The following CHIC1 variants were observed in gnomAD, a reference collection of about 807,000 sequenced individuals.
CHIC1 encodes cysteine rich hydrophobic domain 1, also known as cysteine-rich hydrophobic domain-containing protein 1.
Under a neutral mutation model 18.5 loss-of-function variants are expected in CHIC1, and 7 were observed. The ratio of observed to expected loss-of-function variants is 0.38; its 90% CI spans 0.22 to 0.71. The LOEUF is 0.71. Among genes scored for constraint, CHIC1 ranks in the 30% least tolerant of loss-of-function variants. CHIC1 has a pLI of 0.49. For synonymous variants in CHIC1, 77 were observed against 73.5 expected (o/e 1.05, Z -0.25); for missense variants, 159 against 176.9 (o/e 0.90, Z 0.57).
chrX:73,665,421 C>T (rs988307859), intron 3 of CHIC1, among the ~76,000 whole-genome samples: 2 of 111,305 alleles, frequency 1.8e-5, no homozygotes, highest in Admixed American at 9.5e-5. Flanking sequence ...TCTACCATAC[C>T]TTCTTCCAGG....
Position 73,610,602 on chromosome X carries a change from A to C in CHIC1, c.507+26030A>C, listed in dbSNP as rs1221039000. Among the ~76,000 whole-genome samples the C allele has an allele frequency of 1.8e-5, 2 of 108,887 alleles. 1 individual carries two copies. The highest frequency in any genetic ancestry group is 7.1e-5 in the African/African-American group (2 of 28,011). 94.6% of individuals were successfully genotyped at this position (108,887 alleles called of 115,157 possible). ...TAATGCTGGCCTATTAGAATGAGTT[A>C]GGAAGAATTCCCTTCTCTTCAATTT... On this transcript the variant is annotated intron_variant, in intron 3 of 5. Transcript: ENST00000373502.
At chrX:73,661,496 T>C (rs1449207590) in intron 3 of CHIC1, among the ~76,000 whole-genome samples, 1 of 111,776 alleles carries the variant, frequency 8.9e-6, no homozygotes, top group Non-Finnish European at 1.9e-5. Flanking sequence ...ATTGATGCAA[T>C]TGGGTGGCTT....
chrX:73,609,360 A>G (rs1386169610), intron 3 of CHIC1, among the ~76,000 whole-genome samples: 1 of 108,148 alleles, frequency 9.2e-6, no homozygotes, highest in East Asian at 2.9e-4. Flanking sequence ...GGCCTTTATC[A>G]TGTTGAGTAA....
At chrX:73,640,210 T>C (rs1195814276) in intron 3 of CHIC1, among the ~76,000 whole-genome samples, 1 of 111,833 alleles carries the variant, frequency 8.9e-6, no homozygotes, top group African/African-American at 3.2e-5. Flanking sequence ...ATTCCTTCAA[T>C]GGCCTAGTTT....
At chrX:73,624,292 C>T (rs1023176635) in intron 3 of CHIC1, among the ~76,000 whole-genome samples, 4 of 111,820 alleles carry the variant, frequency 3.6e-5, no homozygotes, top group African/African-American at 1.3e-4. Flanking sequence ...GTGATACCCC[C>T]AAAAGTCAAA....
At chrX:73,654,466 T>C (rs2057932249) in intron 3 of CHIC1, among the ~76,000 whole-genome samples, 1 of 112,122 alleles carries the variant, frequency 8.9e-6, no homozygotes, top group Non-Finnish European at 1.9e-5. Flanking sequence ...TTTGCATTTA[T>C]GTTCATGACG....
intron 3 of CHIC1, among the ~76,000 whole-genome samples, chrX:73,597,592 C>T (rs768653065): frequency 7.6e-5 from 8 of 105,426 alleles, no homozygotes; most frequent in Admixed American, 2.1e-4. Context: ...CATATATACA[C>T]ACATATATAT....
intron 3 of CHIC1, among the ~76,000 whole-genome samples, chrX:73,643,056 A>T (rs1427476119): frequency 2.7e-5 from 3 of 111,747 alleles, no homozygotes; most frequent in Admixed American, 9.5e-5. Context: ...CTTTTAGGGC[A>T]GGCCTGGTGG....
At chrX:73,565,827 T>C (rs1006189995) in intron 1 of CHIC1, among the ~76,000 whole-genome samples, 6 of 111,304 alleles carry the variant, frequency 5.4e-5, no homozygotes, top group Non-Finnish European at 1.1e-4. Flanking sequence ...TTAAACTATA[T>C]ACCCTATCTG....
intron 4 of CHIC1, 116 bp from the exon 5 acceptor site, chrX:73,679,538 G>C (rs1166755026): frequency 2.7e-5 from 15 of 557,495 alleles, no homozygotes; most frequent in Non-Finnish European, 4.2e-5. Flanking sequence ...ATTTTTAAGT[G>C]CTCTGTTTTG....
intron 2 of CHIC1, among the ~76,000 whole-genome samples, chrX:73,581,154 T>C (rs1221252406): frequency 9.0e-6 from 1 of 110,518 alleles, no homozygotes; most frequent in African/African-American, 3.3e-5. Flanking sequence ...AACCGACCTT[T>C]ACTATTGTGT....
intron 3 of CHIC1, among the ~76,000 whole-genome samples, chrX:73,671,979 C>G (rs1232159701): frequency 9.0e-6 from 1 of 110,735 alleles, no homozygotes; most frequent in Non-Finnish European, 1.9e-5. Flanking sequence ...TCCATGTGTT[C>G]TCATTGTTCA....
chrX:73,606,451 T>G (rs1302995806), intron 3 of CHIC1, among the ~76,000 whole-genome samples: 2 of 107,585 alleles, frequency 1.9e-5, no homozygotes, highest in Non-Finnish European at 3.8e-5. Context: ...TCAGCGGAGT[T>G]TGTTGTTACC....
rs375903654 is a variant in CHIC1 at position 73,643,900 on chromosome X, G to A, written c.508-35426G>A. Among the ~76,000 whole-genome samples the A allele has an allele frequency of 1.3e-4, 15 of 112,180 alleles. No individual in the cohort carries two copies. The East Asian group carries it at 1.4e-3, about 10-fold the overall frequency. On this transcript the variant is annotated intron_variant, in intron 3 of 5. Transcript: ENST00000373502. ...GTCATTCTCCGTCCATCTTTGTTCC[G>A]TTGCTGGTGAGGAGCTGCGTTCCTT...
chrX:73,582,008 C>T (rs917121787), intron 2 of CHIC1, among the ~76,000 whole-genome samples: 4 of 110,435 alleles, frequency 3.6e-5, no homozygotes, highest in Non-Finnish European at 7.6e-5. Context: ...AGTCTTCTAA[C>T]ACTATTTCAT....
intron 3 of CHIC1, among the ~76,000 whole-genome samples, chrX:73,620,893 G>T (rs1292697269): frequency 9.0e-6 from 1 of 111,422 alleles, no homozygotes; most frequent in African/African-American, 3.3e-5. Context: ...GTATGTAAGG[G>T]GTCCAGTTTC....
intron 3 of CHIC1, among the ~76,000 whole-genome samples, chrX:73,590,923 A>G (rs1449413404): frequency 1.8e-5 from 2 of 111,627 alleles, no homozygotes; most frequent in African/African-American, 6.5e-5. Context: ...ACATTCAAGT[A>G]CAGGTTTTTG....
chrX:73,604,834 C>T (rs1368418173), intron 3 of CHIC1, among the ~76,000 whole-genome samples: 1 of 109,144 alleles, frequency 9.2e-6, no homozygotes, highest in Non-Finnish European at 1.9e-5. Context: ...TTTGTTAATC[C>T]TAAGTTCTAA....
At chrX:73,653,363 C>T (rs2057927183) in intron 3 of CHIC1, among the ~76,000 whole-genome samples, 1 of 111,691 alleles carries the variant, frequency 9.0e-6, no homozygotes, top group Admixed American at 9.5e-5. Flanking sequence ...ACAAGAAAAT[C>T]AGTTGGCTGT....
Sources: allele counts gnomAD v4.1 joint callset (sites outside exome capture counted in the v4.1 genomes callset), GRCh38; gene constraint gnomAD v4.1.1; transcripts MANE v1.5; gene names NCBI Gene and HGNC (gene_info 2026-07-23, HGNC 2026-07-21).